CADM2: variants seen among roughly 807,000 people sequenced by gnomAD.
CADM2 encodes cell adhesion molecule 2, also known as immunoglobulin superfamily member 4D.
In CADM2, 12 loss-of-function variants were observed where a neutral mutation model predicts 49.8. That is an observed-to-expected ratio of 0.24 (90% CI 0.15 to 0.39). The LOEUF is 0.39. Ranked by LOEUF, CADM2 falls within the 10% of genes least tolerant of loss-of-function variation. The probability of loss-of-function intolerance (pLI) is 1.00; values close to 1 mark genes in which losing one functional copy is unlikely to be tolerated. For missense variants in CADM2, 378 were observed against 492.3 expected, an observed-to-expected ratio of 0.77 and a Z score of 2.20; for synonymous variants, 214 against 175.4, an observed-to-expected ratio of 1.22 and a Z score of -1.74.
rs147896540 is a variant in CADM2 at position 85,883,365 on chromosome 3, C to G, written c.313C>G (p.Leu105Val). The change falls in exon 4 of 10, where the codon CTC (leucine) becomes GTC (valine). Residue 105 changes from leucine to valine, a missense_variant. By Grantham distance (32) the Leu-to-Val change is conservative. Transcript: ENST00000383699. Reference sequence around the variant, plus strand: ...GAGTATTAGTGTCAGTGATGTGTCTCTCTCTGATGAAGGACAGTACACCTG... The same window carrying G: ...GAGTATTAGTGTCAGTGATGTGTCTGTCTCTGATGAAGGACAGTACACCTG... ...ELSISVSDVS[L>V]SDEGQYTCSL... is the part of the protein sequence containing the mutation. 151 of 1,613,466 alleles carry G rather than the reference C, an allele frequency of 9.4e-5. 1 individual carries two copies. The South Asian group carries it at 1.2e-3, about 12-fold the overall frequency.
chr3:85,246,412 T>C (rs915345619), intron 1 of CADM2, among the ~76,000 whole-genome samples: 3 of 151,968 alleles, frequency 2.0e-5, no homozygotes, highest in Non-Finnish European at 2.9e-5. Context: ...AACCTGCACG[T>C]CATGCACATG....
At chr3:85,433,353 A>G (rs892003914) in intron 1 of CADM2, among the ~76,000 whole-genome samples, 1 of 151,966 alleles carries the variant, frequency 6.6e-6, no homozygotes, top group Non-Finnish European at 1.5e-5. Flanking sequence ...AGGAATGTAT[A>G]TGTGTGTGTG....
chr3:85,979,186 C>T (rs1219307891), intron 8 of CADM2: 3 of 1,609,612 alleles, frequency 1.9e-6, no homozygotes, highest in African/African-American at 1.3e-5. Context: ...CTTTGCTTCC[C>T]ACTACTATCA....
intron 3 of CADM2, among the ~76,000 whole-genome samples, chr3:85,837,720 A>G (rs1479345656): frequency 6.6e-6 from 1 of 151,762 alleles, no homozygotes; most frequent in Non-Finnish European, 1.5e-5. Context: ...AAAGAGCTGT[A>G]CTCTGTTACT....
At chr3:85,247,696 T>C (rs1285242169) in intron 1 of CADM2, among the ~76,000 whole-genome samples, 1 of 152,178 alleles carries the variant, frequency 6.6e-6, no homozygotes, top group Non-Finnish European at 1.5e-5. Context: ...TTTTTCACTT[T>C]GCTTTTGACA....
intron 1 of CADM2, among the ~76,000 whole-genome samples, chr3:85,591,434 G>C (rs2063105387): frequency 6.6e-6 from 1 of 151,806 alleles, no homozygotes; most frequent in Non-Finnish European, 1.5e-5. Context: ...TGGGTTTATG[G>C]TGTGATATAA....
At chr3:85,348,986 A>G (rs1201490076) in intron 1 of CADM2, among the ~76,000 whole-genome samples, 1 of 152,216 alleles carries the variant, frequency 6.6e-6, no homozygotes, top group African/African-American at 2.4e-5. Flanking sequence ...TATGAGTAGT[A>G]TGAAAACGTG....
In CADM2 at chr3:86,072,991, A is replaced by G. The variant is rs1468344669; in HGVS notation, c.*6208A>G. 2.0e-5 allele frequency: 3 copies of G among 152,100 alleles called. No individual in the cohort carries two copies. The highest frequency in any genetic ancestry group is 7.2e-5 in the African/African-American group (3 of 41,444). 9.4% of individuals were successfully genotyped at this position (152,100 alleles called of 1,614,324 possible). On this transcript the variant is annotated 3_prime_UTR_variant, in exon 10 of 10. Transcript: ENST00000383699. ...TATTGTAGATTCAATGACGCAGTTA[A>G]GTCATCACCCAAGGATTTATGAATT...
intron 1 of CADM2, among the ~76,000 whole-genome samples, chr3:85,127,513 G>A (rs750236404): frequency 1.3e-5 from 2 of 152,220 alleles, no homozygotes; most frequent in Non-Finnish European, 2.9e-5. Context: ...TCAGCCTGGA[G>A]AGAAGGGGGC....
At chr3:85,530,867 T>TACACACACACACACAC (rs71617940) in intron 1 of CADM2, among the ~76,000 whole-genome samples, 1 of 136,840 alleles carries the variant, frequency 7.3e-6, no homozygotes. Context: ...TATGTAAAAA[T>TACACACACACACACAC]ACACACACAC....
chr3:85,120,879 G>A lies in CADM2; in HGVS notation c.61+161211G>A, dbSNP rs559628040. ...CTCTGCATCTCCAGAAATCTCAGCT[G>A]GTAAGATTCACTCGACAAATCTTCA... is the stretch of plus-strand genomic sequence containing the variant. On this transcript the variant is annotated intron_variant, in intron 1 of 9. Transcript: ENST00000383699. Among the ~76,000 whole-genome samples the A allele has an allele frequency of 3.9e-5, 6 of 152,256 alleles. No individual in the cohort carries two copies. In the South Asian group the frequency reaches 1.2e-3, roughly 32 times the overall value.
chr3:85,128,014 T>G (rs2039094954), intron 1 of CADM2, among the ~76,000 whole-genome samples: 1 of 152,188 alleles, frequency 6.6e-6, no homozygotes, highest in South Asian at 2.1e-4. Context: ...TTTCAAGTCC[T>G]CAAGAAACGC....
intron 1 of CADM2, among the ~76,000 whole-genome samples, chr3:85,502,890 T>A (rs923045559): frequency 6.6e-6 from 1 of 152,142 alleles, no homozygotes; most frequent in Non-Finnish European, 1.5e-5. Flanking sequence ...TATTCCCTCA[T>A]GATATAACCT....
chr3:85,133,165 G>A (rs2039288719), intron 1 of CADM2, among the ~76,000 whole-genome samples: 1 of 152,172 alleles, frequency 6.6e-6, no homozygotes, highest in Non-Finnish European at 1.5e-5. Flanking sequence ...AAGCAGTGTG[G>A]ACCCAAAGAG....
intron 3 of CADM2, among the ~76,000 whole-genome samples, chr3:85,847,875 C>T (rs1210832269): frequency 3.3e-5 from 5 of 152,000 alleles, no homozygotes; most frequent in East Asian, 1.9e-4. Flanking sequence ...TATCTACTGC[C>T]GTCCTTGGCT....
At chr3:85,549,955 A>C (rs183003125) in intron 1 of CADM2, among the ~76,000 whole-genome samples, 1 of 152,256 alleles carries the variant, frequency 6.6e-6, no homozygotes, top group African/African-American at 2.4e-5. Context: ...AAAATGAGCA[A>C]ATAAAAAAAT....
intron 1 of CADM2, among the ~76,000 whole-genome samples, chr3:85,387,022 T>G (rs1262124472): frequency 1.3e-5 from 2 of 152,156 alleles, no homozygotes; most frequent in Non-Finnish European, 2.9e-5. Context: ...GCCTCCTGGC[T>G]CAGTCTGGGT....
intron 1 of CADM2, among the ~76,000 whole-genome samples, chr3:85,237,876 AT>A (rs1398528724): frequency 6.6e-6 from 1 of 151,794 alleles, no homozygotes; most frequent in Non-Finnish European, 1.5e-5. Context: ...ATTAATTGCC[AT>A]TTTTTCTCTT....
In CADM2 at chr3:85,952,912, C is replaced by T. The variant is rs540084432; in HGVS notation, c.792-8557C>T. 4.0e-5 allele frequency among the ~76,000 whole-genome samples: 6 copies of T among 150,868 alleles called. No individual in the cohort carries two copies. In the Admixed American group the frequency reaches 4.0e-4, roughly 10 times the overall value. ...TCAGGAATACTCACTTCTCAAAAAT[C>T]AAAATAAGATAATTTCATTTTTAAA... is the stretch of plus-strand genomic sequence containing the variant. On this transcript the variant is annotated intron_variant, in intron 7 of 9. Transcript: ENST00000383699.
Sources: gnomAD v4.1 joint callset for allele counts (sites outside exome capture counted in the v4.1 genomes callset) on GRCh38, gnomAD v4.1.1 for gene constraint, MANE v1.5 for transcripts, NCBI Gene and HGNC (gene_info 2026-07-23, HGNC 2026-07-21) for gene names.